UBE2E3: variants seen among roughly 807,000 people sequenced by gnomAD.
The protein encoded by UBE2E3 is ubiquitin conjugating enzyme E2 E3, also known as ubiquitin-conjugating enzyme E2 E3.
Under a neutral mutation model 23.6 loss-of-function variants are expected in UBE2E3, and 5 were observed. The observed-to-expected ratio is 0.21, with a 90% CI of 0.11 to 0.44. UBE2E3 has a LOEUF of 0.44. Ranked by LOEUF, UBE2E3 falls within the 20% of genes least tolerant of loss-of-function variation. The pLI is 0.99. For synonymous variants in UBE2E3, 78 were observed against 87.5 expected (o/e 0.89, Z 0.60); for missense variants, 81 against 249.8 (o/e 0.32, Z 4.55).
chr2:180,990,003 C>A (rs1361362080), intron 3 of UBE2E3: 12 of 1,516,230 alleles, frequency 7.9e-6, no homozygotes, highest in Non-Finnish European at 8.9e-6. Flanking sequence ...ACTTGTAAAT[C>A]TAGAGAAATA....
intron 3 of UBE2E3, among the ~76,000 whole-genome samples, chr2:181,019,163 T>C (rs1467139738): frequency 1.3e-5 from 2 of 152,210 alleles, no homozygotes; most frequent in Non-Finnish European, 2.9e-5. Context: ...GGGTTTCGTG[T>C]TGGTCAGGCT....
At chr2:181,044,180 A>G (rs1686603081) in intron 3 of UBE2E3, among the ~76,000 whole-genome samples, 1 of 152,118 alleles carries the variant, frequency 6.6e-6, no homozygotes, top group African/African-American at 2.4e-5. Flanking sequence ...TGGTAGGGCC[A>G]GGTTTTGTGT....
chr2:181,023,797 T>A (rs1559125291), intron 3 of UBE2E3, among the ~76,000 whole-genome samples: 1 of 149,014 alleles, frequency 6.7e-6, no homozygotes, highest in Non-Finnish European at 1.5e-5. Context: ...AATATCTACC[T>A]GATAATTTTG....
chr2:181,061,154 C>T (rs1238507495), intron 5 of UBE2E3, among the ~76,000 whole-genome samples: 1 of 44,454 alleles, frequency 2.2e-5, no homozygotes, highest in Non-Finnish European at 3.8e-5. Flanking sequence ...CTCGCTCTGT[C>T]GCCCAGGCCG....
chr2:181,050,800 A>G (rs1030249366), intron 3 of UBE2E3, among the ~76,000 whole-genome samples: 4 of 151,852 alleles, frequency 2.6e-5, no homozygotes, highest in African/African-American at 4.8e-5. Context: ...GATGTGATAT[A>G]AAGCACCTGG....
chr2:181,052,832 G>C (rs1038529973), intron 3 of UBE2E3, among the ~76,000 whole-genome samples: 2 of 151,718 alleles, frequency 1.3e-5, no homozygotes, highest in African/African-American at 4.8e-5. Flanking sequence ...TGCCTCTGCT[G>C]TTCCAGGAGT....
chr2:180,988,968 G>A (rs911740933), intron 3 of UBE2E3, among the ~76,000 whole-genome samples: 2 of 152,018 alleles, frequency 1.3e-5, no homozygotes, highest in Non-Finnish European at 2.9e-5. Context: ...AAGCTCGACT[G>A]TAAAACAGAT....
intron 3 of UBE2E3, among the ~76,000 whole-genome samples, chr2:181,043,910 A>G (rs1195438957): frequency 6.6e-6 from 1 of 152,100 alleles, no homozygotes; most frequent in Non-Finnish European, 1.5e-5. Context: ...AAGTGATTTA[A>G]CCGTTATTTC....
At chr2:181,026,070 A>G (rs1177515326) in intron 3 of UBE2E3, among the ~76,000 whole-genome samples, 1 of 151,932 alleles carries the variant, frequency 6.6e-6, no homozygotes, top group African/African-American at 2.4e-5. Flanking sequence ...ATACAATGAC[A>G]GTAGATTTGG....
chr2:181,022,902 T>TG (rs139755943), intron 3 of UBE2E3, among the ~76,000 whole-genome samples: 4,242 of 152,288 alleles, frequency 0.028, 97 homozygotes, highest in African/African-American at 0.054. Flanking sequence ...AAATACCAGA[T>TG]GTCCTTCAAC....
At chr2:181,035,137 A>G (rs1686227710) in intron 3 of UBE2E3, among the ~76,000 whole-genome samples, 1 of 152,192 alleles carries the variant, frequency 6.6e-6, no homozygotes, top group African/African-American at 2.4e-5. Flanking sequence ...ACATTACAGC[A>G]AAATAACTGT....
At chr2:181,004,401 G>A (rs1574172972) in intron 3 of UBE2E3, among the ~76,000 whole-genome samples, 2 of 152,310 alleles carry the variant, frequency 1.3e-5, no homozygotes, top group Non-Finnish European at 2.9e-5. Context: ...TTGGGAGGCT[G>A]AGGAGGGCAG....
chr2:181,054,226 C>T (rs1160762444), intron 3 of UBE2E3, among the ~76,000 whole-genome samples: 9 of 151,844 alleles, frequency 5.9e-5, no homozygotes, highest in Admixed American at 5.9e-4. Flanking sequence ...AGTGTGATTA[C>T]TGGATCTTAT....
intron 3 of UBE2E3, among the ~76,000 whole-genome samples, chr2:180,985,106 T>C (rs1049151263): frequency 2.6e-5 from 4 of 152,168 alleles, no homozygotes; most frequent in Non-Finnish European, 5.9e-5. Flanking sequence ...TTGCTTCTTA[T>C]TGTGTATGTT....
intron 3 of UBE2E3, among the ~76,000 whole-genome samples, chr2:181,046,483 G>A (rs146137538): frequency 6.6e-6 from 1 of 152,224 alleles, no homozygotes; most frequent in Non-Finnish European, 1.5e-5. Flanking sequence ...TTTATCAACT[G>A]TTAGTTGTAT....
At chr2:180,986,128 A>G (rs1684462508) in intron 3 of UBE2E3, among the ~76,000 whole-genome samples, 2 of 152,122 alleles carry the variant, frequency 1.3e-5, no homozygotes, top group Admixed American at 1.3e-4. Context: ...GAACAGTAAC[A>G]TGGAACACCT....
chr2:181,023,879 T>A (rs1226781292), intron 3 of UBE2E3, among the ~76,000 whole-genome samples: 1 of 152,210 alleles, frequency 6.6e-6, no homozygotes, highest in East Asian at 1.9e-4. Context: ...TCGTGCTAGA[T>A]AAATGTTAGC....
chr2:181,016,329 C>A (rs529365820), intron 3 of UBE2E3, among the ~76,000 whole-genome samples: 1 of 152,062 alleles, frequency 6.6e-6, no homozygotes, highest in East Asian at 1.9e-4. Flanking sequence ...ATCCTGCTTC[C>A]TTGGCCTCCC....
At chr2:181,034,665 TTAAAG>T (rs914461659) in intron 3 of UBE2E3, among the ~76,000 whole-genome samples, 20 of 149,440 alleles carry the variant, frequency 1.3e-4, no homozygotes, top group African/African-American at 4.4e-4. Flanking sequence ...ACCCTAGAAC[TTAAAG>T]TATAATAAAA....
Sources: allele counts gnomAD v4.1 joint callset (sites outside exome capture counted in the v4.1 genomes callset), GRCh38; gene constraint gnomAD v4.1.1; transcripts MANE v1.5; gene names NCBI Gene and HGNC (gene_info 2026-07-23, HGNC 2026-07-21).